Variants in REEP3 observed in about 807,000 individuals in gnomAD.
REEP3 encodes receptor accessory protein 3.
REEP3 carries 20 observed loss-of-function variants against 41.3 expected under a neutral mutation model. That is an observed-to-expected ratio of 0.48 (90% CI 0.34 to 0.70). The LOEUF (loss-of-function observed/expected upper bound fraction) is 0.70. Ranked by LOEUF, REEP3 falls within the 30% of genes least tolerant of loss-of-function variation. REEP3 has a pLI of 0.01. For synonymous variants in REEP3, 104 were observed against 101.8 expected (o/e 1.02, Z -0.13); for missense variants, 271 against 308.8 (o/e 0.88, Z 0.92).
chr10:63,561,054 A>C (rs1161156841), intron 1 of REEP3, among the ~76,000 whole-genome samples: 1 of 151,800 alleles, frequency 6.6e-6, no homozygotes, highest in Non-Finnish European at 1.5e-5. Flanking sequence ...TCTACTTTCT[A>C]CTCTTACAAG....
intron 5 of REEP3, among the ~76,000 whole-genome samples, chr10:63,600,873 G>T (rs1039353835): frequency 1.8e-4 from 28 of 151,652 alleles, no homozygotes; most frequent in Middle Eastern, 3.5e-3. Context: ...GTCACATTTG[G>T]CCAGGCACAG....
At chr10:63,528,090 T>C (rs1589855057) in intron 1 of REEP3, among the ~76,000 whole-genome samples, 1 of 152,172 alleles carries the variant, frequency 6.6e-6, no homozygotes, top group East Asian at 1.9e-4. Context: ...CCATTTTCTC[T>C]TTTCTATTTG....
intron 1 of REEP3, 60 bp downstream of exon 1, chr10:63,521,637 G>A: frequency 7.8e-7 from 1 of 1,275,980 alleles, no homozygotes; most frequent in Non-Finnish European, 1.0e-6. Context: ...TGTGGGAAGG[G>A]GAAGGAGCCG....
intron 1 of REEP3, among the ~76,000 whole-genome samples, chr10:63,533,708 A>ATTTTTT (rs1464023228): frequency 1.1e-5 from 1 of 93,918 alleles, no homozygotes; most frequent in Non-Finnish European, 2.5e-5. Context: ...AAGTATGTAA[A>ATTTTTT]TCTTTTTTTT....
At position 63,571,209 on chromosome 10, in the gene REEP3, C is replaced by T. The variant is rs138874721; in HGVS notation, c.105+4799C>T. On this transcript the variant is annotated intron_variant, in intron 2 of 7. Transcript: ENST00000373758. ...TATTTTCCATTTATATGATTTCCTA[C>T]GAGTTTCAAAGTACTTTTGTTTATT... Among the ~76,000 whole-genome samples the T allele has an allele frequency of 1.6e-4, 25 of 152,268 alleles. No individual in the cohort carries two copies. In the East Asian group the frequency reaches 3.1e-3, roughly 19 times the overall value.
intron 6 of REEP3, among the ~76,000 whole-genome samples, chr10:63,615,121 C>A (rs1200985581): frequency 1.3e-5 from 2 of 152,074 alleles, no homozygotes; most frequent in South Asian, 4.2e-4. Flanking sequence ...GATTAATATA[C>A]CTAATTTTTT....
rs540095562 is a variant in REEP3 at position 63,584,041 on chromosome 10, A to G, written c.106-10737A>G. Among the ~76,000 whole-genome samples the G allele has an allele frequency of 2.0e-5, 3 of 152,328 alleles. No homozygotes were observed. In the South Asian group the frequency reaches 6.2e-4, roughly 32 times the overall value. On this transcript the variant is annotated intron_variant, in intron 2 of 7. Transcript: ENST00000373758. ...AAGTTTCTTAGACTCTACTGAGGTCAGGGTTGAGATATATAAGGCTTCTCT... is the reference window on the plus strand; with the variant it reads ...AAGTTTCTTAGACTCTACTGAGGTCGGGGTTGAGATATATAAGGCTTCTCT...
intron 1 of REEP3, among the ~76,000 whole-genome samples, chr10:63,536,304 A>G (rs999855496): frequency 1.3e-5 from 2 of 152,224 alleles, no homozygotes; most frequent in Admixed American, 6.5e-5. Flanking sequence ...GTGTTTCATC[A>G]GATGTGTACA....
chr10:63,532,626 A>C (rs1193976533), intron 1 of REEP3, among the ~76,000 whole-genome samples: 1 of 151,852 alleles, frequency 6.6e-6, no homozygotes, highest in African/African-American at 2.4e-5. Context: ...ACTGCACTCC[A>C]GCCTGGGCGA....
chr10:63,537,876 T>G (rs1955489578), intron 1 of REEP3, among the ~76,000 whole-genome samples: 1 of 152,150 alleles, frequency 6.6e-6, no homozygotes, highest in African/African-American at 2.4e-5. Flanking sequence ...CAAAGAAGAA[T>G]GTCCAATTTC....
At chr10:63,585,246 T>C (rs562472472) in intron 2 of REEP3, among the ~76,000 whole-genome samples, 9 of 152,262 alleles carry the variant, frequency 5.9e-5, no homozygotes, top group African/African-American at 2.2e-4. Context: ...CAAGGCACTT[T>C]TGATCCCTAT....
chr10:63,533,863 A>G (rs1955449796), intron 1 of REEP3, among the ~76,000 whole-genome samples: 2 of 151,784 alleles, frequency 1.3e-5, no homozygotes, highest in Non-Finnish European at 1.5e-5. Context: ...GCCCACCACC[A>G]TGCCAGCTAA....
chr10:63,604,236 A>T (rs532391366), intron 5 of REEP3, among the ~76,000 whole-genome samples: 3 of 152,342 alleles, frequency 2.0e-5, no homozygotes, highest in South Asian at 2.1e-4. Context: ...ATTACCAGGC[A>T]TCTGTTCGCA....
intron 2 of REEP3, among the ~76,000 whole-genome samples, chr10:63,568,009 T>C (rs1265119482): frequency 6.6e-6 from 1 of 152,192 alleles, no homozygotes; most frequent in East Asian, 1.9e-4. Context: ...TTATTATATG[T>C]GTCTTTTGGA....
At chr10:63,530,871 C>T (rs2133340258) in intron 1 of REEP3, among the ~76,000 whole-genome samples, 1 of 152,290 alleles carries the variant, frequency 6.6e-6, no homozygotes, top group South Asian at 2.1e-4. Context: ...TGATTCATAA[C>T]AACATGAACT....
At chr10:63,619,859 A>G (rs1956339703) in intron 7 of REEP3, 59 bp downstream of exon 7, 1 of 1,367,198 alleles carries the variant, frequency 7.3e-7, no homozygotes, top group Non-Finnish European at 1.0e-6. Context: ...CTGCTGTGTT[A>G]TCATTTAGGA....
At chr10:63,545,461 G>A (rs978425590) in intron 1 of REEP3, among the ~76,000 whole-genome samples, 2 of 151,754 alleles carry the variant, frequency 1.3e-5, no homozygotes, top group East Asian at 1.9e-4. Context: ...TGCAACCTCC[G>A]CCTCCCAAGT....
intron 1 of REEP3, among the ~76,000 whole-genome samples, chr10:63,557,809 G>A (rs1043235315): frequency 2.0e-5 from 3 of 152,178 alleles, no homozygotes; most frequent in Non-Finnish European, 4.4e-5. Context: ...AATTTGGTGA[G>A]TACAAATATA....
intron 7 of REEP3, 61 bp downstream of exon 7, chr10:63,619,861 C>T: frequency 8.2e-7 from 1 of 1,222,728 alleles, no homozygotes; most frequent in East Asian, 3.7e-5. Context: ...GCTGTGTTAT[C>T]ATTTAGGATA....
Sources: gnomAD v4.1 joint callset for allele counts (sites outside exome capture counted in the v4.1 genomes callset) on GRCh38, gnomAD v4.1.1 for gene constraint, MANE v1.5 for transcripts, NCBI Gene and HGNC (gene_info 2026-07-23, HGNC 2026-07-21) for gene names.